PARD3: variants seen among roughly 807,000 people sequenced by gnomAD.
PARD3 encodes par-3 family cell polarity regulator.
PARD3 carries 75 observed loss-of-function variants against 155.4 expected under a neutral mutation model. That is an observed-to-expected ratio of 0.48 (90% CI 0.40 to 0.58). PARD3 has a LOEUF of 0.58. Ranked by LOEUF, PARD3 falls within the 20% of genes least tolerant of loss-of-function variation. PARD3 has a pLI of 0.00. For synonymous variants in PARD3, 576 were observed against 610.5 expected, an observed-to-expected ratio of 0.94 and a Z score of 0.83; for missense variants, 1,642 against 1,721.7, an observed-to-expected ratio of 0.95 and a Z score of 0.82.
At chr10:34,636,073 GGAAGGAA>G (rs780104260) in intron 2 of PARD3, among the ~76,000 whole-genome samples, 63 of 152,000 alleles carry the variant, frequency 4.1e-4, no homozygotes, top group African/African-American at 9.9e-4. Context: ...GAAGAAGGAA[GGAAGGAA>G]GAAGGAAGAA....
At chr10:34,759,492 A>C (rs1373719668) in intron 1 of PARD3, among the ~76,000 whole-genome samples, 1 of 152,226 alleles carries the variant, frequency 6.6e-6, no homozygotes, top group Non-Finnish European at 1.5e-5. Context: ...ACAAAAGGGA[A>C]AAAGAAACTT....
At chr10:34,286,436 C>A (rs531472883) in intron 20 of PARD3, among the ~76,000 whole-genome samples, 1 of 152,180 alleles carries the variant, frequency 6.6e-6, no homozygotes, top group Admixed American at 6.5e-5. Flanking sequence ...CCAGGACTGA[C>A]GGGGAGGGTG....
chr10:34,740,244 G>C (rs2094985016), intron 1 of PARD3, among the ~76,000 whole-genome samples: 1 of 152,206 alleles, frequency 6.6e-6, no homozygotes, highest in African/African-American at 2.4e-5. Context: ...CAGCCTGCTG[G>C]GAGAGCCCCC....
In PARD3 at chr10:34,666,796, A is replaced by AAAAAAAAAAAAT. The variant is rs1358640964; in HGVS notation, c.222+29521_222+29522insATTTTTTTTTTT. Among the ~76,000 whole-genome samples the AAAAAAAAAAAAT allele has an allele frequency of 2.1e-3, 140 of 66,888 alleles. 3 individuals carry two copies. The highest frequency in any genetic ancestry group is 3.3e-3 in the Non-Finnish European group (117 of 35,090). The allele number at this position is 66,888 out of a possible 152,430, so 43.9% of individuals were successfully genotyped here. On this transcript the variant is annotated intron_variant, in intron 2 of 24. Coordinates refer to ENST00000374788, the MANE Select transcript of PARD3 (RefSeq NM_001184785.2). ...TCCCCCTAAAAAAAAAAAAAAAAAAAATATATATATATATATATATACACA... is the reference window on the plus strand; with the variant it reads ...TCCCCCTAAAAAAAAAAAAAAAAAAAAAAAAAAAAAATATATATATATATATATATATACACA...
At position 34,539,575 on chromosome 10, in the gene PARD3, C is replaced by T. The variant is rs545314847; in HGVS notation, c.223-22416G>A. Among the ~76,000 whole-genome samples the T allele has an allele frequency of 4.6e-5, 7 of 152,262 alleles. No homozygotes were observed. The East Asian group carries it at 5.8e-4, about 13-fold the overall frequency. ...CTCTGAAGGCTTAGGCAGGGAGAAT[C>T]GCTTGAACCTGGGAGGCAGAGGTTG... is the stretch of plus-strand genomic sequence containing the variant. On this transcript the variant is annotated intron_variant, in intron 2 of 24. Transcript: ENST00000374788.
chr10:34,126,482 A>G (rs1440443954), intron 23 of PARD3, among the ~76,000 whole-genome samples: 1 of 152,214 alleles, frequency 6.6e-6, no homozygotes, highest in Non-Finnish European at 1.5e-5. Context: ...GCTCAGTTGT[A>G]CACACAGCTT....
At chr10:34,483,506 G>GAGAA (rs1554873727) in intron 3 of PARD3, among the ~76,000 whole-genome samples, 9 of 142,332 alleles carry the variant, frequency 6.3e-5, no homozygotes, top group African/African-American at 2.4e-4. Context: ...AAAAGAGAGA[G>GAGAA]AAAAAAAAAC....
chr10:34,713,072 C>A (rs1161765447), intron 1 of PARD3, among the ~76,000 whole-genome samples: 1 of 151,926 alleles, frequency 6.6e-6, no homozygotes, highest in East Asian at 1.9e-4. Context: ...ATTAGCCGGG[C>A]ATGGTGGCAG....
intron 2 of PARD3, among the ~76,000 whole-genome samples, chr10:34,653,019 C>CA (rs1420285982): frequency 4.0e-5 from 6 of 151,876 alleles, no homozygotes; most frequent in East Asian, 3.9e-4. Flanking sequence ...CACAGACTCG[C>CA]AAAAAACAAC....
chr10:34,119,384 T>C (rs1946856140), intron 24 of PARD3, among the ~76,000 whole-genome samples: 2 of 152,066 alleles, frequency 1.3e-5, no homozygotes, highest in Non-Finnish European at 2.9e-5. Context: ...TTTAGGGAGC[T>C]TGTGGGTGAA....
rs1836772375 is a variant in PARD3, at chr10:34,756,558, T to A, written c.120+58318A>T. Among the ~76,000 whole-genome samples, 5 of 145,570 alleles carry A rather than the reference T, an allele frequency of 3.4e-5. No homozygotes were observed. In the South Asian group the frequency reaches 1.1e-3, roughly 32 times the overall value. On this transcript the variant is annotated intron_variant, in intron 1 of 24. Coordinates refer to ENST00000374788, the MANE Select transcript of PARD3 (RefSeq NM_001184785.2). ...GTAGTCCTGAACGCCTGAGCTCAAG[T>A]GATCTTCCTGCCTCAGCCTCAAGTA...
At chr10:34,145,781 C>T (rs1032429860) in intron 22 of PARD3, among the ~76,000 whole-genome samples, 4 of 152,170 alleles carry the variant, frequency 2.6e-5, no homozygotes, top group Non-Finnish European at 5.9e-5. Flanking sequence ...GTTTTGGACT[C>T]TGTCTTCCAC....
At chr10:34,267,430 A>G (rs1361884258) in intron 22 of PARD3, among the ~76,000 whole-genome samples, 1 of 152,220 alleles carries the variant, frequency 6.6e-6, no homozygotes, top group African/African-American at 2.4e-5. Flanking sequence ...GTTAATTTAC[A>G]TTATTCAGTC....
At position 34,111,221 on chromosome 10, in the gene PARD3, G is replaced by C. The variant is rs144433754; in HGVS notation, c.4010C>G (p.Ala1337Gly). Residue 1337 changes from alanine to glycine, a missense_variant, in exon 25 of 25, where the codon GCG (alanine) becomes GGG (glycine). Physicochemically the swap from Ala to Gly is moderately conservative, Grantham distance 60. Coordinates refer to ENST00000374788, the MANE Select transcript of PARD3 (RefSeq NM_001184785.2). ...QDVPPSPSQV[A>G]RLNRLQTPEK... ...AGGAGTCTGAAGTCTGTTCAGCCTCGCAACCTGAGAAGGGGAGGGGGGCAC... is the reference window on the plus strand; with the variant it reads ...AGGAGTCTGAAGTCTGTTCAGCCTCCCAACCTGAGAAGGGGAGGGGGGCAC... 6.2e-7 allele frequency: 1 copy of C among 1,606,402 alleles called. No homozygotes were observed. The highest frequency in any genetic ancestry group is 8.5e-7 in the Non-Finnish European group (1 of 1,174,374).
intron 2 of PARD3, among the ~76,000 whole-genome samples, chr10:34,540,328 A>AT (rs2083515192): frequency 7.1e-6 from 1 of 139,926 alleles, no homozygotes; most frequent in African/African-American, 3.4e-5. Flanking sequence ...AACACACTAT[A>AT]TTAAAAAAAA....
At chr10:34,734,930 G>C (rs2094885570) in intron 1 of PARD3, among the ~76,000 whole-genome samples, 1 of 143,334 alleles carries the variant, frequency 7.0e-6, no homozygotes. Context: ...ACAAAATACA[G>C]AAAATATATT....
intron 2 of PARD3, among the ~76,000 whole-genome samples, chr10:34,608,780 C>T (rs1229895775): frequency 1.3e-5 from 2 of 152,054 alleles, no homozygotes; most frequent in African/African-American, 4.8e-5. Flanking sequence ...GTGATCCACC[C>T]GCCTTGGCCT....
At chr10:34,713,431 A>G (rs1198842277) in intron 1 of PARD3, among the ~76,000 whole-genome samples, 1 of 151,968 alleles carries the variant, frequency 6.6e-6, no homozygotes, top group Non-Finnish European at 1.5e-5. Flanking sequence ...ATTCCATTCC[A>G]TACTCCAGGC....
At chr10:34,126,998 C>A (rs1238727041) in intron 23 of PARD3, among the ~76,000 whole-genome samples, 1 of 151,518 alleles carries the variant, frequency 6.6e-6, no homozygotes, top group Non-Finnish European at 1.5e-5. Context: ...ATAATGTGGT[C>A]CATGACCTTC....
Sources: allele counts gnomAD v4.1 joint callset (sites outside exome capture counted in the v4.1 genomes callset), GRCh38; gene constraint gnomAD v4.1.1; transcripts MANE v1.5; gene names NCBI Gene and HGNC (gene_info 2026-07-23, HGNC 2026-07-21).